The following FSTL5 variants were observed in gnomAD, a reference collection of about 807,000 sequenced individuals.
The protein encoded by FSTL5 is follistatin like 5, also known as follistatin-related protein 5.
Under a neutral mutation model 89.1 loss-of-function variants are expected in FSTL5, and 62 were observed. The ratio of observed to expected loss-of-function variants is 0.70; its 90% CI spans 0.57 to 0.86. FSTL5 has a LOEUF of 0.86. Ranked by LOEUF, FSTL5 falls within the 40% of genes least tolerant of loss-of-function variation. The probability of loss-of-function intolerance (pLI) is 0.00; values close to 1 mark genes in which losing one functional copy is unlikely to be tolerated. For missense variants in FSTL5, 1,057 were observed against 1,001.6 expected, an observed-to-expected ratio of 1.06 and a Z score of -0.75; for synonymous variants, 383 against 346.2, an observed-to-expected ratio of 1.11 and a Z score of -1.18.
At chr4:161,784,620 T>C (rs1741816102) in intron 4 of FSTL5, among the ~76,000 whole-genome samples, 1 of 151,506 alleles carries the variant, frequency 6.6e-6, no homozygotes, top group Non-Finnish European at 1.5e-5. Context: ...ACGGGCTGGG[T>C]GCAGTGGCTC....
At chr4:161,559,526 A>G (rs1444613255) in intron 8 of FSTL5, among the ~76,000 whole-genome samples, 1 of 151,892 alleles carries the variant, frequency 6.6e-6, no homozygotes, top group African/African-American at 2.4e-5. Context: ...ATGCATTCAC[A>G]TGGTTGAAAA....
At chr4:161,709,657 G>A (rs1043231869) in intron 6 of FSTL5, among the ~76,000 whole-genome samples, 3 of 151,978 alleles carry the variant, frequency 2.0e-5, no homozygotes, top group South Asian at 2.1e-4. Context: ...TTAGCTAGTC[G>A]TGGTGGCACA....
At chr4:162,004,049 T>A (rs1313771860) in intron 3 of FSTL5, among the ~76,000 whole-genome samples, 1 of 152,208 alleles carries the variant, frequency 6.6e-6, no homozygotes, top group African/African-American at 2.4e-5. Flanking sequence ...AGCTTCATAA[T>A]ACGGCAGGTT....
At chr4:161,780,853 G>T (rs1337189307) in intron 4 of FSTL5, among the ~76,000 whole-genome samples, 1 of 152,144 alleles carries the variant, frequency 6.6e-6, no homozygotes, top group African/African-American at 2.4e-5. Flanking sequence ...GCTGCAATTT[G>T]TTCTTATCTC....
chr4:161,920,336 T>G, intron 4 of FSTL5, 68 bp downstream of exon 4: 1 of 1,504,130 alleles, frequency 6.6e-7, no homozygotes, highest in Non-Finnish European at 9.0e-7. Flanking sequence ...TTGCTAGAGT[T>G]TAAAGGCACT....
Position 161,453,453 on chromosome 4 carries a change from C to T in FSTL5, c.1841+1551G>A, listed in dbSNP as rs114405841. Among the ~76,000 whole-genome samples the T allele has an allele frequency of 3.6e-3, 554 of 152,164 alleles. 3 individuals carry two copies. The highest frequency in any genetic ancestry group is 0.012 in the African/African-American group (502 of 41,508). On this transcript the variant is annotated intron_variant, in intron 15 of 15. Coordinates refer to ENST00000306100, the MANE Select transcript of FSTL5 (RefSeq NM_020116.5). ...ATAAGAACTTCATATATTTTTCAGA[C>T]AGCATCTTAAGTGGTACCATTTCAG...
At chr4:162,091,572 A>T (rs1299574662) in intron 2 of FSTL5, among the ~76,000 whole-genome samples, 1 of 152,094 alleles carries the variant, frequency 6.6e-6, no homozygotes, top group East Asian at 1.9e-4. Flanking sequence ...ATATGATCCA[A>T]ACATTCTCTT....
intron 1 of FSTL5, among the ~76,000 whole-genome samples, chr4:162,124,481 G>C (rs1731990181): frequency 6.6e-6 from 1 of 152,158 alleles, no homozygotes; most frequent in Admixed American, 6.5e-5. Flanking sequence ...CAGATTGATA[G>C]TGAAGTGTAC....
chr4:162,130,398 CA>C (rs1237911021), intron 1 of FSTL5, among the ~76,000 whole-genome samples: 1 of 152,094 alleles, frequency 6.6e-6, no homozygotes, highest in Non-Finnish European at 1.5e-5. Context: ...GTTTCCTACG[CA>C]AGTGATTAGA....
intron 1 of FSTL5, among the ~76,000 whole-genome samples, chr4:162,144,527 T>C (rs1423785443): frequency 6.6e-6 from 1 of 152,132 alleles, no homozygotes; most frequent in East Asian, 1.9e-4. Flanking sequence ...GTGATTAGTA[T>C]GGAATCAAAC....
intron 8 of FSTL5, among the ~76,000 whole-genome samples, chr4:161,547,689 T>A (rs1732052789): frequency 6.6e-6 from 1 of 151,950 alleles, no homozygotes; most frequent in Non-Finnish European, 1.5e-5. Context: ...AATTGTATGA[T>A]CTTTTCCAAA....
chr4:161,796,828 T>A (rs138325674), intron 4 of FSTL5, among the ~76,000 whole-genome samples: 3 of 151,592 alleles, frequency 2.0e-5, no homozygotes, highest in Admixed American at 6.6e-5. Flanking sequence ...AAGTATTTCA[T>A]GAAATTATTA....
intron 2 of FSTL5, chr4:162,043,360 T>A (rs2111232334): frequency 6.6e-6 from 1 of 152,320 alleles, no homozygotes; most frequent in East Asian, 1.9e-4. Flanking sequence ...ATGTTTACAC[T>A]ATACTATAGT....
chr4:161,438,476 C>T (rs905707144), intron 15 of FSTL5, among the ~76,000 whole-genome samples: 21 of 152,046 alleles, frequency 1.4e-4, no homozygotes, highest in African/African-American at 2.4e-4. Flanking sequence ...AATCTATTGC[C>T]TTTTAATTTT....
chr4:161,989,494 A>G (rs1200827589), intron 3 of FSTL5, among the ~76,000 whole-genome samples: 1 of 152,154 alleles, frequency 6.6e-6, no homozygotes, highest in Non-Finnish European at 1.5e-5. Flanking sequence ...TAGACAAAGC[A>G]TAGCTATGGA....
chr4:161,854,599 T>C (rs1731663329), intron 4 of FSTL5, among the ~76,000 whole-genome samples: 2 of 152,214 alleles, frequency 1.3e-5, no homozygotes, highest in Non-Finnish European at 2.9e-5. Flanking sequence ...AAAATAATTT[T>C]GTAGATTCTT....
At chr4:161,445,420 A>C (rs969548989) in intron 15 of FSTL5, among the ~76,000 whole-genome samples, 1 of 151,894 alleles carries the variant, frequency 6.6e-6, no homozygotes, top group African/African-American at 2.4e-5. Context: ...TAAAATAAAA[A>C]ATGAATTTTT....
intron 8 of FSTL5, among the ~76,000 whole-genome samples, chr4:161,566,535 G>C (rs1732823244): frequency 6.6e-6 from 1 of 150,716 alleles, no homozygotes; most frequent in Non-Finnish European, 1.5e-5. Context: ...TCGCCAAACT[G>C]TTCTCCACAG....
At chr4:161,912,375 T>C (rs1405764638) in intron 4 of FSTL5, among the ~76,000 whole-genome samples, 1 of 152,160 alleles carries the variant, frequency 6.6e-6, no homozygotes, top group Non-Finnish European at 1.5e-5. Flanking sequence ...CCATGTGTTG[T>C]TGGAGGGACC....
Sources: allele counts gnomAD v4.1 joint callset (sites outside exome capture counted in the v4.1 genomes callset), GRCh38; gene constraint gnomAD v4.1.1; transcripts MANE v1.5; gene names NCBI Gene and HGNC (gene_info 2026-07-23, HGNC 2026-07-21).